The following WDFY3 variants were observed in gnomAD, a reference collection of about 807,000 sequenced individuals.
The protein encoded by WDFY3 is WD repeat and FYVE domain containing 3.
Under a neutral mutation model 409.6 loss-of-function variants are expected in WDFY3, and 66 were observed. That is an observed-to-expected ratio of 0.16 (90% confidence interval 0.13 to 0.20). WDFY3 has a LOEUF of 0.20. Among genes scored for constraint, WDFY3 ranks in the 10% least tolerant of loss-of-function variants. The pLI is 1.00. For synonymous variants in WDFY3, 1,521 were observed against 1,537.1 expected (o/e 0.99, Z 0.25); for missense variants, 3,031 against 4,298.1 (o/e 0.71, Z 8.24).
Position 84,810,021 on chromosome 4 carries a change from G to C in WDFY3, c.2211C>G (p.Phe737Leu), listed in dbSNP as rs184920462. The C allele has an allele frequency of 2.5e-6, 4 of 1,614,160 alleles. No individual in the cohort carries two copies. The Admixed American group carries it at 5.0e-5, about 20-fold the overall frequency. The part of the protein sequence containing the change: ...DLRKISAMNV[F>L]PSNTQPFQRL... ...TTTGAAATGGCTGTGTATTTGAGGG[G>C]AAGACATTCATGGCGCTTATTTTTC... Residue 737 changes from phenylalanine (F) to leucine (L), a missense_variant, in exon 14 of 68, where the codon TTC (phenylalanine) becomes TTG (leucine). Physicochemically the swap from Phe to Leu is conservative, Grantham distance 22 (BLOSUM62 0). This residue lies in a region of WDFY3 where 1,322 missense variants were observed against 1,697.9 expected (regional missense o/e 0.78). Transcript: ENST00000295888.
chr4:84,851,916 C>G (rs1431778298), intron 4 of WDFY3, among the ~76,000 whole-genome samples: 1 of 112,382 alleles, frequency 8.9e-6, no homozygotes, highest in Non-Finnish European at 1.9e-5. Context: ...AGACTGGCAA[C>G]AATAATAATA....
chr4:84,677,163 T>C, intron 67 of WDFY3, 36 bp downstream of exon 67: 1 of 1,611,746 alleles, frequency 6.2e-7, no homozygotes, highest in Non-Finnish European at 8.5e-7. Context: ...TAGAGCTTAA[T>C]CAATGTAAAT....
chr4:84,962,537 TA>T (rs1213180480), intron 1 of WDFY3, among the ~76,000 whole-genome samples: 2 of 152,104 alleles, frequency 1.3e-5, no homozygotes, highest in Non-Finnish European at 2.9e-5. Context: ...CTTTTTAGAG[TA>T]ACGGAAACGT....
At chr4:84,843,176 A>G (rs1757615490) in intron 5 of WDFY3, among the ~76,000 whole-genome samples, 1 of 152,212 alleles carries the variant, frequency 6.6e-6, no homozygotes, top group Non-Finnish European at 1.5e-5. Context: ...TAATTTGCCT[A>G]CAATCACATA....
chr4:84,775,220 T>A (rs1578460997), intron 27 of WDFY3, 82 bp from the exon 28 acceptor site: 1 of 1,103,308 alleles, frequency 9.1e-7, no homozygotes, highest in East Asian at 2.5e-5. Flanking sequence ...ATACAGCACA[T>A]GGAACTTATT....
intron 36 of WDFY3, among the ~76,000 whole-genome samples, chr4:84,744,969 T>C (rs1739158260): frequency 6.6e-6 from 1 of 152,098 alleles, no homozygotes; most frequent in Admixed American, 6.5e-5. Context: ...CTGTGGGTTT[T>C]TGTAAGGAGG....
rs768690946 is a variant in WDFY3 at position 84,679,151 on chromosome 4, G to A, written c.9915C>T (p.Ser3305=). 6.8e-6 allele frequency: 11 copies of A among 1,613,834 alleles called. No individual in the cohort carries two copies. In the Admixed American group the frequency reaches 1.2e-4, roughly 17 times the overall value. Residue 3305 remains serine (S), a synonymous_variant, in exon 65 of 68, where the codon AGC becomes AGT. Transcript: ENST00000295888. ...CTGCCCGGGGCCTGTGGCTGGTGCT[G>A]CTGGGTTGGCTTGGAGTGTCCTTAG... ...QDPKDTPSQP[S]STSHRPRAAS...
rs1178738557 is a variant in WDFY3, at chr4:84,743,773, A to T, written c.6000T>A (p.Thr2000=). The T allele has an allele frequency of 1.9e-6, 3 of 1,595,924 alleles. No individual in the cohort carries two copies. In the Admixed American group the frequency reaches 5.1e-5, roughly 27 times the overall value. The change falls in exon 37 of 68, where the codon ACT becomes ACA. Residue 2000 remains threonine, a synonymous_variant. Coordinates refer to ENST00000295888, the MANE Select transcript of WDFY3 (RefSeq NM_014991.6). ...LEASPERSTR[T]QQKEFQTYIL... is the part of the protein sequence containing the mutation. ...TGTAAGTTTGAAATTCTTTTTGCTGAGTTCTTGTAGACCTTTCAGGGGAAG... is the reference window on the plus strand; with the variant it reads ...TGTAAGTTTGAAATTCTTTTTGCTGTGTTCTTGTAGACCTTTCAGGGGAAG...
rs764852532 is a variant in WDFY3 at position 84,809,944 on chromosome 4, C to T, written c.2288G>A (p.Arg763Gln). The change falls in exon 14 of 68, where the codon CGG becomes CAG. Residue 763 changes from arginine (R) to glutamine (Q), a missense_variant. Around this residue, in one of 16 missense-constraint regions of WDFY3, gnomAD observed 1,322 missense variants for 1,697.9 expected, o/e 0.78. Coordinates refer to ENST00000295888, the MANE Select transcript of WDFY3 (RefSeq NM_014991.6). ...ISIESVSPTL[R>Q]HCSKLFIYLY... Reference sequence around the variant, plus strand: ...ATAAATAAAAAGTTTACTGCAGTGCCGTAACGTGGGTGACACTGATTCTAT... The same window carrying T: ...ATAAATAAAAAGTTTACTGCAGTGCTGTAACGTGGGTGACACTGATTCTAT... 24 of 1,613,968 alleles carry T rather than the reference C, an allele frequency of 1.5e-5. No individual in the cohort carries two copies. The highest frequency in any genetic ancestry group is 5.5e-5 in the South Asian group (5 of 91,084).
At chr4:84,770,837 CCA>C (rs1295398249) in intron 30 of WDFY3, among the ~76,000 whole-genome samples, 6 of 152,086 alleles carry the variant, frequency 3.9e-5, no homozygotes, top group East Asian at 1.9e-4. Context: ...TTTCTTACTG[CCA>C]CAGTTTTCAT....
At chr4:84,869,988 T>C (rs1407209710) in intron 3 of WDFY3, among the ~76,000 whole-genome samples, 5 of 152,148 alleles carry the variant, frequency 3.3e-5, no homozygotes, top group South Asian at 4.1e-4. Context: ...ACTACACATA[T>C]AAGTCAACAA....
intron 1 of WDFY3, among the ~76,000 whole-genome samples, chr4:84,933,982 A>T (rs1771098181): frequency 6.6e-6 from 1 of 152,142 alleles, no homozygotes; most frequent in African/African-American, 2.4e-5. Context: ...GCTCATAAAT[A>T]TGGGAGTGTA....
intron 13 of WDFY3, among the ~76,000 whole-genome samples, chr4:84,814,995 A>G (rs1753075094): frequency 6.6e-6 from 1 of 152,088 alleles, no homozygotes; most frequent in African/African-American, 2.4e-5. Context: ...CCACGCACAT[A>G]TGAGGTAGAC....
intron 3 of WDFY3, among the ~76,000 whole-genome samples, chr4:84,878,575 T>A (rs988192009): frequency 3.3e-5 from 5 of 152,196 alleles, no homozygotes; most frequent in African/African-American, 1.2e-4. Flanking sequence ...AATTTATACA[T>A]CCAAATGAAT....
At chr4:84,706,117 A>G (rs1300882732) in intron 53 of WDFY3, among the ~76,000 whole-genome samples, 1 of 152,228 alleles carries the variant, frequency 6.6e-6, no homozygotes, top group Non-Finnish European at 1.5e-5. Flanking sequence ...TTAAAAGTTG[A>G]TGAGTTGACC....
chr4:84,790,570 A>G (rs1326892333), intron 21 of WDFY3, among the ~76,000 whole-genome samples: 1 of 152,182 alleles, frequency 6.6e-6, no homozygotes, highest in Non-Finnish European at 1.5e-5. Flanking sequence ...ATAAACACTA[A>G]AAAGAGACTA....
At chr4:84,708,738 G>A (rs1376602212) in intron 53 of WDFY3, among the ~76,000 whole-genome samples, 171 bp downstream of exon 53, 1 of 151,978 alleles carries the variant, frequency 6.6e-6, no homozygotes, top group African/African-American at 2.4e-5. Flanking sequence ...ACAGGGTTTC[G>A]CCCTGTTTCT....
At position 84,821,446 on chromosome 4, in the gene WDFY3, A is replaced by G. The variant is rs1463151138; in HGVS notation, c.1229T>C (p.Ile410Thr). The G allele has an allele frequency of 3.1e-6, 5 of 1,613,734 alleles. No homozygotes were observed. The highest frequency in any genetic ancestry group is 2.7e-5 in the African/African-American group (2 of 74,902). The part of the protein sequence containing the change: ...AQIILDAITN[I>T]YMADNANYFI... ...GTAATTGGCATTGTCAGCCATGTAA[A>G]TATTTGTGATAGCATCAAGGATGAT... The change falls in exon 11 of 68, where the codon ATT becomes ACT. Residue 410 changes from isoleucine (I) to threonine (T), a missense_variant. Ile to Thr is a moderately conservative substitution (Grantham distance 89, BLOSUM62 -1). Transcript: ENST00000295888.
intron 33 of WDFY3, among the ~76,000 whole-genome samples, chr4:84,756,725 A>G (rs1221600369): frequency 1.3e-5 from 2 of 152,152 alleles, no homozygotes; most frequent in Non-Finnish European, 2.9e-5. Flanking sequence ...GAGTTATCAT[A>G]TAGGAAAAAA....
Sources: gnomAD v4.1 joint callset for allele counts (sites outside exome capture counted in the v4.1 genomes callset) on GRCh38, gnomAD v4.1.1 for gene constraint, gnomAD v4.1.1 regional missense constraint, MANE v1.5 for transcripts, NCBI Gene and HGNC (gene_info 2026-07-23, HGNC 2026-07-21) for gene names.